The following EDA2R variants were observed in gnomAD, a reference collection of about 807,000 sequenced individuals.
EDA2R encodes the protein tumor necrosis factor receptor superfamily member 27.
A neutral mutation model predicts 20.1 loss-of-function variants in EDA2R; 26 were observed. The observed-to-expected ratio is 1.30, with a 90% CI of 0.95 to 1.80. The LOEUF (loss-of-function observed/expected upper bound fraction) is 1.80. Among genes scored for constraint, EDA2R ranks in the 40% most tolerant of loss-of-function variants. The pLI is 0.00. For synonymous variants in EDA2R, 114 were observed against 88.7 expected, an observed-to-expected ratio of 1.29 and a Z score of -1.60; for missense variants, 277 against 228.7, an observed-to-expected ratio of 1.21 and a Z score of -1.36.
chrX:66,625,902 C>A (rs1049814249), intron 1 of EDA2R, among the ~76,000 whole-genome samples: 1 of 111,525 alleles, frequency 9.0e-6, no homozygotes, highest in South Asian at 3.8e-4. Flanking sequence ...TGGCTAGACT[C>A]AGAAGAGATA....
At chrX:66,620,233 A>T (rs1401870032) in intron 1 of EDA2R, among the ~76,000 whole-genome samples, 2 of 112,253 alleles carry the variant, frequency 1.8e-5, no homozygotes, top group African/African-American at 6.5e-5. Flanking sequence ...ACCACAATTT[A>T]TATATTTTTC....
chrX:66,632,039 A>T (rs897623193), intron 1 of EDA2R, among the ~76,000 whole-genome samples: 1 of 111,913 alleles, frequency 8.9e-6, no homozygotes. Flanking sequence ...CACTGAAAAA[A>T]AAATCCTACG....
intron 3 of EDA2R, 139 bp from the exon 4 acceptor site, chrX:66,604,645 C>T: frequency 1.9e-6 from 1 of 522,016 alleles, no homozygotes; most frequent in Non-Finnish European, 3.1e-6. Flanking sequence ...TTATCTGCCT[C>T]TGTGTCTTTT....
chrX:66,608,332 C>A (rs1451403852), intron 2 of EDA2R, among the ~76,000 whole-genome samples: 1 of 110,668 alleles, frequency 9.0e-6, no homozygotes, highest in Non-Finnish European at 1.9e-5. Context: ...CATAAATTAA[C>A]CCATCCAAGA....
intron 1 of EDA2R, among the ~76,000 whole-genome samples, chrX:66,637,031 A>G (rs1355769896): frequency 9.0e-6 from 1 of 111,274 alleles, no homozygotes; most frequent in African/African-American, 3.3e-5. Flanking sequence ...AGTACATAAT[A>G]TGCTTAGGAT....
chrX:66,606,060 C>G (rs1411663368), intron 2 of EDA2R, among the ~76,000 whole-genome samples: 1 of 111,330 alleles, frequency 9.0e-6, no homozygotes, highest in Middle Eastern at 4.2e-3. Context: ...ATCAGAAGTC[C>G]CAACACTGAG....
At position 66,597,920 on chromosome X, in the gene EDA2R, G is replaced by T. The variant is rs766286706; in HGVS notation, c.*184C>A. 6 of 594,836 alleles carry T rather than the reference G, an allele frequency of 1.0e-5. No homozygotes were observed. The African/African-American group carries it at 1.2e-4, about 12-fold the overall frequency. The allele number at this position is 594,836 out of a possible 1,213,427, so 49.0% of individuals were successfully genotyped here. ...CAAAAGGGAAGCAAGAAATGCTCCA[G>T]ATCAGTCCTTGTGAAATGGAGAATC... On this transcript the variant is annotated 3_prime_UTR_variant, in exon 7 of 7. Coordinates refer to ENST00000374719, the MANE Select transcript of EDA2R (RefSeq NM_021783.5).
intron 2 of EDA2R, among the ~76,000 whole-genome samples, chrX:66,606,773 A>T (rs1011016922): frequency 7.1e-5 from 8 of 112,161 alleles, no homozygotes; most frequent in African/African-American, 2.6e-4. Context: ...CTAGTGTGAG[A>T]CCTCAGTACC....
intron 2 of EDA2R, among the ~76,000 whole-genome samples, chrX:66,610,253 T>G (rs1930479320): frequency 1.0e-5 from 1 of 97,855 alleles, no homozygotes; most frequent in African/African-American, 3.6e-5. Context: ...ATAAAGGATG[T>G]CTCTTAACCA....
intron 1 of EDA2R, among the ~76,000 whole-genome samples, chrX:66,630,178 A>G (rs1933584585): frequency 8.9e-6 from 1 of 111,910 alleles, no homozygotes. Context: ...CTCACATTAC[A>G]CACAAATCAA....
chrX:66,632,358 A>C (rs1933906818), intron 1 of EDA2R, among the ~76,000 whole-genome samples: 2 of 110,769 alleles, frequency 1.8e-5, no homozygotes, highest in African/African-American at 6.6e-5. Flanking sequence ...CTGGAGGCAG[A>C]GGTTGCAGTG....
rs1046582103 is a variant in EDA2R at position 66,599,819 on chromosome X, C to T, written c.559G>A (p.Glu187Lys). The change falls in exon 6 of 7, where the codon GAA (glutamate) becomes AAA (lysine). Residue 187 changes from glutamate to lysine, a missense_variant. Transcript: ENST00000374719. ...QFEADKTAKEESLFPVPPSKE... is the reference protein window; with the variant it reads ...QFEADKTAKEKSLFPVPPSKE... ...CTGGGTGGCACGGGGAAGAGAGATT[C>T]CTCCTTTGCTGTTTTATCAGCCTCA... is the stretch of plus-strand genomic sequence containing the variant. 2 of 1,206,056 alleles carry T rather than the reference C, an allele frequency of 1.7e-6. No individual in the cohort carries two copies. The highest frequency in any genetic ancestry group is 3.5e-5 in the African/African-American group (2 of 57,021).
chrX:66,626,392 A>T (rs1348768782), intron 1 of EDA2R, among the ~76,000 whole-genome samples: 1 of 112,153 alleles, frequency 8.9e-6, no homozygotes, highest in Non-Finnish European at 1.9e-5. Flanking sequence ...TCAGCAATAG[A>T]ATTGAACAAA....
chrX:66,615,240 G>A (rs1931467385), intron 2 of EDA2R, among the ~76,000 whole-genome samples: 1 of 111,932 alleles, frequency 8.9e-6, no homozygotes, highest in Non-Finnish European at 1.9e-5. Context: ...TGTTCAATAA[G>A]CAACTGCTGA....
intron 2 of EDA2R, among the ~76,000 whole-genome samples, chrX:66,608,005 G>A (rs767613242): frequency 1.8e-5 from 2 of 112,162 alleles, no homozygotes; most frequent in East Asian, 5.6e-4. Context: ...TATAAACAAA[G>A]TGAGAATATT....
intron 1 of EDA2R, among the ~76,000 whole-genome samples, chrX:66,633,052 GA>G (rs201963792): frequency 2.7e-5 from 3 of 110,007 alleles, no homozygotes; most frequent in East Asian, 2.8e-4. Context: ...GGAAGAAAAA[GA>G]AAAAAAAATC....
intron 2 of EDA2R, among the ~76,000 whole-genome samples, chrX:66,614,864 A>G (rs1340690282): frequency 9.0e-6 from 1 of 111,621 alleles, no homozygotes; most frequent in Non-Finnish European, 1.9e-5. Flanking sequence ...TCTGGTCTAT[A>G]CTTCTCTCTC....
intron 2 of EDA2R, among the ~76,000 whole-genome samples, chrX:66,613,309 C>T (rs1343732815): frequency 1.8e-5 from 2 of 111,497 alleles, no homozygotes; most frequent in African/African-American, 3.3e-5. Flanking sequence ...TACTATATGT[C>T]TGTCTACTTA....
At position 66,604,416 on chromosome X, in the gene EDA2R, C is replaced by T; in HGVS notation, c.352+5G>A. ...AGAAAGGGAAGAAGAGAACTGGGTA[C>T]ACACATTGAACCTCAGAGGTGGGGG... On this transcript the variant is annotated splice_donor_5th_base_variant and intron_variant, in intron 4 of 6. Transcript: ENST00000374719. The T allele has an allele frequency of 8.3e-7, 1 of 1,205,452 alleles. No homozygotes were observed. The highest frequency in any genetic ancestry group is 1.1e-6 in the Non-Finnish European group (1 of 891,790).
Sources: gnomAD v4.1 joint callset for allele counts (sites outside exome capture counted in the v4.1 genomes callset) on GRCh38, gnomAD v4.1.1 for gene constraint, MANE v1.5 for transcripts, NCBI Gene and HGNC (gene_info 2026-07-23, HGNC 2026-07-21) for gene names.